The following PDGFD variants were observed in gnomAD, a reference collection of about 807,000 sequenced individuals.
The protein encoded by PDGFD is platelet derived growth factor D, also known as platelet-derived growth factor D.
In PDGFD, 30 loss-of-function variants were observed where a neutral mutation model predicts 44.7. The ratio of observed to expected loss-of-function variants is 0.67; its 90% CI spans 0.50 to 0.91. The LOEUF is 0.91. Among genes scored for constraint, PDGFD ranks in the 40% least tolerant of loss-of-function variants. The probability of loss-of-function intolerance (pLI) is 0.00; values close to 1 mark genes in which losing one functional copy is unlikely to be tolerated. For synonymous variants in PDGFD, 173 were observed against 168.4 expected (o/e 1.03, Z -0.21); for missense variants, 445 against 457.8 (o/e 0.97, Z 0.25).
chr11:104,155,166 A>C (rs1862289742), intron 1 of PDGFD, among the ~76,000 whole-genome samples: 1 of 152,216 alleles, frequency 6.6e-6, no homozygotes. Flanking sequence ...TATTTTCTTC[A>C]AGGTTTCTGT....
In PDGFD at chr11:103,927,047, C is replaced by T. The variant is rs765909253; in HGVS notation, c.852G>A (p.Glu284=). 8 of 1,614,230 alleles carry T rather than the reference C, an allele frequency of 5.0e-6. No homozygotes were observed. The South Asian group carries it at 6.6e-5, about 13-fold the overall frequency. Residue 284 remains glutamate, a synonymous_variant, in exon 6 of 7, where the codon GAG becomes GAA. Transcript: ENST00000393158. Reference sequence around the variant, plus strand: ...AGAAGACCACATTGGCCAACTTCAGCTCTTCTCTTATATTGACCGAGTAAT... The same window carrying T: ...AGAAGACCACATTGGCCAACTTCAGTTCTTCTCTTATATTGACCGAGTAAT... ...PRNYSVNIRE[E]LKLANVVFFP... is the part of the protein sequence containing the mutation.
chr11:103,976,379 G>C (rs1396104952), intron 3 of PDGFD, among the ~76,000 whole-genome samples: 1 of 152,128 alleles, frequency 6.6e-6, no homozygotes, highest in African/African-American at 2.4e-5. Flanking sequence ...CATTGATTTT[G>C]TATCCTGAGA....
At chr11:103,971,289 T>C (rs767061795) in intron 3 of PDGFD, among the ~76,000 whole-genome samples, 3 of 152,186 alleles carry the variant, frequency 2.0e-5, no homozygotes, top group Non-Finnish European at 4.4e-5. Flanking sequence ...AGTATTTTAA[T>C]GCATTTTACA....
intron 5 of PDGFD, among the ~76,000 whole-genome samples, chr11:103,939,397 A>G (rs898483645): frequency 1.3e-5 from 2 of 152,120 alleles, no homozygotes; most frequent in Non-Finnish European, 2.9e-5. Flanking sequence ...ATTTTTGTAC[A>G]TTGATTTTGT....
chr11:104,139,046 G>A (rs1433092310), intron 1 of PDGFD, among the ~76,000 whole-genome samples: 4 of 152,146 alleles, frequency 2.6e-5, no homozygotes, highest in South Asian at 2.1e-4. Context: ...ACAGGCATGC[G>A]CCACCATGCC....
intron 1 of PDGFD, among the ~76,000 whole-genome samples, chr11:104,111,187 A>T (rs777234537): frequency 7.9e-5 from 12 of 151,848 alleles, no homozygotes; most frequent in Non-Finnish European, 1.2e-4. Flanking sequence ...TTCCATTCAG[A>T]AGAAACTAAA....
chr11:104,037,018 C>T (rs1860251826), intron 1 of PDGFD: 3 of 1,614,226 alleles, frequency 1.9e-6, no homozygotes, highest in Middle Eastern at 1.6e-4. Flanking sequence ...CTCCTACGGC[C>T]TCAAAGATGG....
intron 1 of PDGFD, among the ~76,000 whole-genome samples, chr11:104,127,320 T>C (rs1407254521): frequency 6.6e-6 from 1 of 152,102 alleles, no homozygotes; most frequent in Non-Finnish European, 1.5e-5. Flanking sequence ...CTTCTGATTA[T>C]TATAATTAGT....
intron 4 of PDGFD, among the ~76,000 whole-genome samples, chr11:103,946,277 T>C (rs1858667100): frequency 6.6e-6 from 1 of 152,224 alleles, no homozygotes; most frequent in African/African-American, 2.4e-5. Context: ...AATGGAGTGC[T>C]GAGTAAAGAA....
At chr11:104,006,502 C>T (rs1272443623) in intron 1 of PDGFD, among the ~76,000 whole-genome samples, 1 of 152,192 alleles carries the variant, frequency 6.6e-6, no homozygotes, top group African/African-American at 2.4e-5. Context: ...AAAGGCCCCA[C>T]TCTCAAGCCT....
chr11:104,069,270 T>C (rs1300969092), intron 1 of PDGFD, among the ~76,000 whole-genome samples: 1 of 152,222 alleles, frequency 6.6e-6, no homozygotes, highest in South Asian at 2.1e-4. Context: ...TTAGATTCAG[T>C]ATGTACACTT....
At chr11:103,974,591 G>A (rs546175977) in intron 3 of PDGFD, among the ~76,000 whole-genome samples, 35 of 152,060 alleles carry the variant, frequency 2.3e-4, no homozygotes, top group African/African-American at 7.5e-4. Flanking sequence ...TAAGCCCCGC[G>A]TGCATTAGGT....
intron 3 of PDGFD, among the ~76,000 whole-genome samples, chr11:103,983,956 G>A (rs1291680390): frequency 1.3e-5 from 2 of 151,664 alleles, no homozygotes; most frequent in East Asian, 1.9e-4. Flanking sequence ...ACTGTCGGTG[G>A]AAGTGTAAAT....
chr11:104,162,411 AC>A (rs1340449969), intron 1 of PDGFD, among the ~76,000 whole-genome samples: 1 of 150,346 alleles, frequency 6.7e-6, no homozygotes, highest in African/African-American at 2.4e-5. Flanking sequence ...AAGAGTAAAG[AC>A]AAAAAACCAC....
At chr11:103,921,740 AT>A (rs201773219) in intron 6 of PDGFD, among the ~76,000 whole-genome samples, 6 of 149,368 alleles carry the variant, frequency 4.0e-5, no homozygotes, top group Admixed American at 6.7e-5. Flanking sequence ...AGAAGAAGTC[AT>A]TTTTTTTTCA....
intron 1 of PDGFD, among the ~76,000 whole-genome samples, chr11:104,052,986 T>G (rs1249620743): frequency 6.6e-6 from 1 of 152,214 alleles, no homozygotes; most frequent in East Asian, 1.9e-4. Context: ...TTCAGTAGAA[T>G]ATTGGTGGTA....
intron 4 of PDGFD, among the ~76,000 whole-genome samples, chr11:103,947,177 A>G (rs1279840820): frequency 6.6e-6 from 1 of 152,234 alleles, no homozygotes; most frequent in Non-Finnish European, 1.5e-5. Context: ...GTTATGTTTT[A>G]TATCCAAGTA....
Position 104,061,273 on chromosome 11 carries a change from G to GA in PDGFD, c.125-61019dup, listed in dbSNP as rs376305312. The stretch of plus-strand genomic sequence containing the variant: ...TGACATTAAAATGCTAGTCAAAAAG[G>GA]AAAAAAAAAAGTGTTAAAACTGTAT... On this transcript the variant is annotated intron_variant, in intron 1 of 6. Coordinates refer to ENST00000393158, the MANE Select transcript of PDGFD (RefSeq NM_025208.5). Among the ~76,000 whole-genome samples, 1,439 of 146,804 alleles carry GA rather than the reference G, an allele frequency of 9.8e-3. 27 individuals carry two copies. The highest frequency in any genetic ancestry group is 0.033 in the African/African-American group (1,324 of 40,128).
chr11:104,034,588 TAGGTACACCTGGG>T (rs1228016557), intron 1 of PDGFD, among the ~76,000 whole-genome samples: 1 of 151,658 alleles, frequency 6.6e-6, no homozygotes, highest in Non-Finnish European at 1.5e-5. Flanking sequence ...GGTTCATAAG[TAGGTACACCTGGG>T]AGTACCAAGC....
Sources: allele counts gnomAD v4.1 joint callset (sites outside exome capture counted in the v4.1 genomes callset), GRCh38; gene constraint gnomAD v4.1.1; transcripts MANE v1.5; gene names NCBI Gene and HGNC (gene_info 2026-07-23, HGNC 2026-07-21).